ANK3: variants seen among roughly 807,000 people sequenced by gnomAD.
ANK3 encodes ankyrin-3.
Under a neutral mutation model 370.9 loss-of-function variants are expected in ANK3, and 57 were observed. The observed-to-expected ratio is 0.15, with a 90% CI of 0.12 to 0.19. ANK3 has a LOEUF of 0.19. Among genes scored for constraint, ANK3 ranks in the 10% least tolerant of loss-of-function variants. The pLI is 1.00. For missense variants in ANK3, 4,439 were observed against 5,302.1 expected (o/e 0.84, Z 5.06); for synonymous variants, 1,929 against 1,946.3 (o/e 0.99, Z 0.23).
At chr10:60,123,206 C>G (rs1226141643) in intron 25 of ANK3, among the ~76,000 whole-genome samples, 1 of 152,092 alleles carries the variant, frequency 6.6e-6, no homozygotes, top group African/African-American at 2.4e-5. Flanking sequence ...ATTTTTATTC[C>G]CATGTCAAAG....
chr10:60,700,245 A>C (rs1279072430), intron 1 of ANK3, among the ~76,000 whole-genome samples: 4 of 152,214 alleles, frequency 2.6e-5, no homozygotes, highest in Admixed American at 2.6e-4. Flanking sequence ...AATACAGATA[A>C]ATACAATTTA....
At chr10:60,265,225 C>G (rs940792168) in intron 5 of ANK3, among the ~76,000 whole-genome samples, 1 of 152,080 alleles carries the variant, frequency 6.6e-6, no homozygotes, top group African/African-American at 2.4e-5. Context: ...AAAAACTTAT[C>G]CCTCCTCATT....
chr10:60,368,499 T>C (rs762487710), intron 1 of ANK3, among the ~76,000 whole-genome samples: 1 of 152,112 alleles, frequency 6.6e-6, no homozygotes, highest in African/African-American at 2.4e-5. Context: ...TCTTACTAAC[T>C]TTACATGTAT....
At chr10:60,372,024 C>T (rs950371462) in intron 1 of ANK3, among the ~76,000 whole-genome samples, 3 of 152,010 alleles carry the variant, frequency 2.0e-5, no homozygotes, top group African/African-American at 4.8e-5. Flanking sequence ...AAAACACAGA[C>T]GATAGAATAT....
intron 6 of ANK3, among the ~76,000 whole-genome samples, chr10:60,262,286 C>T (rs563456406): frequency 2.0e-5 from 3 of 152,202 alleles, no homozygotes; most frequent in South Asian, 2.1e-4. Context: ...TGATTAGTGC[C>T]GCTGTTTTAT....
chr10:60,707,078 A>G (rs2079631204), intron 1 of ANK3, among the ~76,000 whole-genome samples: 1 of 152,172 alleles, frequency 6.6e-6, no homozygotes, highest in Non-Finnish European at 1.5e-5. Flanking sequence ...CATAATCAAT[A>G]ATTACAGTAA....
chr10:60,091,329 A>G (rs2088331633), intron 28 of ANK3, among the ~76,000 whole-genome samples: 1 of 152,148 alleles, frequency 6.6e-6, no homozygotes, highest in African/African-American at 2.4e-5. Flanking sequence ...AATGATTCCA[A>G]TTCATTCATT....
At position 60,428,236 on chromosome 10, in the gene ANK3, T is replaced by G. The variant is rs147899164; in HGVS notation, c.97-148597A>C. On this transcript the variant is annotated intron_variant, in intron 2 of 43. Transcript: ENST00000373827. ...ACATCAAAACATGAAGTTCAAACAA[T>G]GAGGCTGTCTGAAACATGACCAAGC... Among the ~76,000 whole-genome samples the G allele has an allele frequency of 2.8e-3, 425 of 152,270 alleles. 7 individuals carry two copies. The highest frequency in any genetic ancestry group is 0.02 in the Admixed American group (300 of 15,284).
chr10:60,335,398 T>C (rs2052583677), intron 1 of ANK3, among the ~76,000 whole-genome samples: 1 of 152,112 alleles, frequency 6.6e-6, no homozygotes, highest in Admixed American at 6.5e-5. Context: ...TTTTTTCTGG[T>C]AGGCTTTAAC....
intron 1 of ANK3, among the ~76,000 whole-genome samples, chr10:60,360,235 A>T (rs2058388859): frequency 6.6e-6 from 1 of 152,226 alleles, no homozygotes; most frequent in Non-Finnish European, 1.5e-5. Context: ...TTTGACCAAA[A>T]TCTGAAGGAA....
At chr10:60,714,901 C>T (rs1174726993) in intron 1 of ANK3, among the ~76,000 whole-genome samples, 1 of 152,054 alleles carries the variant, frequency 6.6e-6, no homozygotes, top group South Asian at 2.1e-4. Flanking sequence ...AATACCATCA[C>T]GGAGAATACA....
chr10:60,627,202 T>C (rs1355351782), intron 1 of ANK3, among the ~76,000 whole-genome samples: 1 of 152,086 alleles, frequency 6.6e-6, no homozygotes, highest in Admixed American at 6.6e-5. Context: ...CAACACTAAA[T>C]TCATTGATAT....
At chr10:60,159,587 C>T (rs1490023374) in intron 23 of ANK3, among the ~76,000 whole-genome samples, 2 of 152,194 alleles carry the variant, frequency 1.3e-5, no homozygotes, top group African/African-American at 2.4e-5. Context: ...ATGCACAGAA[C>T]ATTCTATCCA....
chr10:60,622,251 C>CTT (rs34337038), intron 1 of ANK3, among the ~76,000 whole-genome samples: 45 of 146,354 alleles, frequency 3.1e-4, no homozygotes, highest in South Asian at 8.7e-4. Flanking sequence ...AGGCCTGAGG[C>CTT]TTTTTTTTTT....
At chr10:60,033,946 T>G (rs1219390300) in intron 43 of ANK3, among the ~76,000 whole-genome samples, 1 of 152,106 alleles carries the variant, frequency 6.6e-6, no homozygotes, top group Non-Finnish European at 1.5e-5. Context: ...CATCAAAAAT[T>G]TTTTAAAACT....
intron 8 of ANK3, among the ~76,000 whole-genome samples, chr10:60,214,780 G>A (rs1247481485): frequency 2.6e-5 from 4 of 152,054 alleles, no homozygotes; most frequent in African/African-American, 7.2e-5. Context: ...ATTTGGGTTG[G>A]TTTCATGTCT....
chr10:60,708,181 T>C (rs113599860), intron 1 of ANK3, among the ~76,000 whole-genome samples: 2 of 152,288 alleles, frequency 1.3e-5, no homozygotes, highest in South Asian at 2.1e-4. Context: ...CTTAGTCAAG[T>C]CCAGAATTCC....
At chr10:60,520,208 A>T (rs183604245) in intron 2 of ANK3, among the ~76,000 whole-genome samples, 2 of 152,116 alleles carry the variant, frequency 1.3e-5, no homozygotes, top group African/African-American at 4.8e-5. Flanking sequence ...GCATGTTCTC[A>T]TAAGTGCGAG....
At chr10:60,210,086 T>C (rs1006493821) in intron 9 of ANK3, among the ~76,000 whole-genome samples, 1 of 152,160 alleles carries the variant, frequency 6.6e-6, no homozygotes, top group African/African-American at 2.4e-5. Flanking sequence ...AGGCTAGGAA[T>C]GTACTCATTC....
Sources: allele counts gnomAD v4.1 joint callset (sites outside exome capture counted in the v4.1 genomes callset), GRCh38; gene constraint gnomAD v4.1.1; transcripts MANE v1.5; gene names NCBI Gene and HGNC (gene_info 2026-07-23, HGNC 2026-07-21).